Variants in AGFG2 observed in about 807,000 individuals in gnomAD.
AGFG2 encodes the protein ArfGAP with FG repeats 2.
A neutral mutation model predicts 48.0 loss-of-function variants in AGFG2; 31 were observed. The ratio of observed to expected loss-of-function variants is 0.65; its 90% CI spans 0.49 to 0.87. The LOEUF (loss-of-function observed/expected upper bound fraction) is 0.87, where lower values mean the gene tolerates loss of function less well. AGFG2 is among the 40% of genes least tolerant of loss of function. AGFG2 has a pLI of 0.00. For synonymous variants in AGFG2, 229 were observed against 260.8 expected, an observed-to-expected ratio of 0.88 and a Z score of 1.18; for missense variants, 599 against 632.6, an observed-to-expected ratio of 0.95 and a Z score of 0.57.
In AGFG2 at chr7:100,562,709, G is replaced by A. The variant is rs905120427; in HGVS notation, c.1087+27G>A. The stretch of plus-strand genomic sequence containing the variant: ...TGAGTCCTGCCTGTGGAGACCCAGG[G>A]GAGGGGACCTGAGGCCAGGAGGAGT... On this transcript the variant is annotated intron_variant, in intron 8 of 11. Transcript: ENST00000300176. The surrounding 1 kb of genome is among the most constrained non-coding windows in gnomAD (Gnocchi z 5.4). 8 of 1,599,730 alleles carry A rather than the reference G, an allele frequency of 5.0e-6. No individual in the cohort carries two copies. The highest frequency in any genetic ancestry group is 6.8e-6 in the Non-Finnish European group (8 of 1,175,176).
rs1359785937 is a variant in AGFG2, at chr7:100,548,839, C to G, written c.239C>G (p.Pro80Arg). The G allele has an allele frequency of 1.2e-6, 2 of 1,613,412 alleles. No homozygotes were observed. Among genetic ancestry groups the G allele is most frequent in the Non-Finnish European group, 8.5e-7 (1 of 1,179,630 alleles). Residue 80 changes from proline to arginine, a missense_variant, in exon 2 of 12, where the codon CCT (proline) becomes CGT (arginine). Pro to Arg is a moderately radical substitution (Grantham distance 103, BLOSUM62 -2). Coordinates refer to ENST00000300176, the MANE Select transcript of AGFG2 (RefSeq NM_006076.5). ...CSGLLRGLNPPHRVKSISMTT... is the reference protein window; with the variant it reads ...CSGLLRGLNPRHRVKSISMTT... Reference sequence around the variant, plus strand: ...TCCCATAGGAGAGGGCTGAACCCCCCTCATCGTGTCAAGTCAATCTCCATG... The same window carrying G: ...TCCCATAGGAGAGGGCTGAACCCCCGTCATCGTGTCAAGTCAATCTCCATG...
At chr7:100,559,372 AGAG>A (rs1263145543) in intron 6 of AGFG2, among the ~76,000 whole-genome samples, 7 of 152,074 alleles carry the variant, frequency 4.6e-5, no homozygotes, top group Non-Finnish European at 7.4e-5. Flanking sequence ...GTGAACTGAG[AGAG>A]GAGATTTTGA....
intron 9 of AGFG2, 148 bp from the exon 10 acceptor site, chr7:100,563,686 A>C (rs1800931100): frequency 8.3e-7 from 1 of 1,197,934 alleles, no homozygotes; most frequent in Admixed American, 2.4e-5. Flanking sequence ...TGGTGTGAGA[A>C]GCAGAAGAGT....
At position 100,551,067 on chromosome 7, in the gene AGFG2, TTTC is replaced by T. The variant is rs1390699494; in HGVS notation, c.431+559_431+561del. The stretch of plus-strand genomic sequence containing the variant: ...ATATATATATATATATATATATATA[TTTC>T]TTTTTTTTTTTTTTTTTGAGACAGA... On this transcript the variant is annotated intron_variant, in intron 3 of 11. Transcript: ENST00000300176. Among the ~76,000 whole-genome samples the T allele has an allele frequency of 3.6e-3, 347 of 96,770 alleles. 9 individuals are homozygous for T. The highest frequency in any genetic ancestry group is 0.011 in the Middle Eastern group (2 of 186). 63.5% of individuals were successfully genotyped at this position (96,770 alleles called of 152,430 possible).
chr7:100,559,317 C>T (rs1800818640), intron 6 of AGFG2, among the ~76,000 whole-genome samples: 1 of 152,148 alleles, frequency 6.6e-6, no homozygotes, highest in African/African-American at 2.4e-5. Context: ...CCCACTACAC[C>T]ATGATCATGC....
Position 100,566,768 on chromosome 7 carries a change from G to C in AGFG2, c.*1777G>C, listed in dbSNP as rs564407541. 6.6e-6 allele frequency: 1 copy of C among 152,318 alleles called. No individual in the cohort carries two copies. The highest frequency in any genetic ancestry group is 1.5e-5 in the Non-Finnish European group (1 of 68,200). The allele number at this position is 152,318 out of a possible 1,614,324, so 9.4% of individuals were successfully genotyped here. On this transcript the variant is annotated 3_prime_UTR_variant, in exon 12 of 12. Coordinates refer to ENST00000300176, the MANE Select transcript of AGFG2 (RefSeq NM_006076.5). Reference sequence around the variant, plus strand: ...GTCTCCCGCTTCGCTCCTGGCCTTTGCATGTTCCATCTCTTCTCTTTCTCC... The same window carrying C: ...GTCTCCCGCTTCGCTCCTGGCCTTTCCATGTTCCATCTCTTCTCTTTCTCC...
rs1204585934 is a variant in AGFG2, at chr7:100,568,102, G to C, written c.*3111G>C. 1.3e-5 allele frequency: 2 copies of C among 152,740 alleles called. No individual in the cohort carries two copies. The highest frequency in any genetic ancestry group is 2.9e-5 in the Non-Finnish European group (2 of 68,082). The allele number at this position is 152,740 out of a possible 1,614,324, so 9.5% of individuals were successfully genotyped here. ...CCAGCACCCAAGGTTCAGTGACACA[G>C]GGTGGTTTGGAGCTGGTCACTGTCA... On this transcript the variant is annotated 3_prime_UTR_variant, in exon 12 of 12. Transcript: ENST00000300176.
chr7:100,564,127 C>T (rs1429347300), intron 10 of AGFG2, 91 bp from the exon 11 acceptor site: 5 of 1,535,808 alleles, frequency 3.3e-6, no homozygotes, highest in Non-Finnish European at 4.4e-6. Context: ...TGCTCTGTTC[C>T]CTTACTCCCC....
intron 3 of AGFG2, among the ~76,000 whole-genome samples, chr7:100,551,161 C>G (rs984005703): frequency 6.8e-6 from 1 of 147,700 alleles, no homozygotes; most frequent in South Asian, 2.2e-4. Flanking sequence ...GTTCCACCTC[C>G]CAGGTTCACG....
chr7:100,556,246 T>C, intron 6 of AGFG2: 1 of 190,706 alleles, frequency 5.2e-6, no homozygotes, highest in Non-Finnish European at 1.1e-5. Context: ...GCCCAGGAGT[T>C]TGAGGCTGTA....
chr7:100,554,660 A>C (rs1435620978), intron 5 of AGFG2, among the ~76,000 whole-genome samples: 1 of 152,058 alleles, frequency 6.6e-6, no homozygotes, highest in African/African-American at 2.4e-5. Flanking sequence ...TTCAAGCCAG[A>C]CACAGTGGCT....
At chr7:100,542,304 G>A (rs897500006) in intron 1 of AGFG2, among the ~76,000 whole-genome samples, 3 of 152,118 alleles carry the variant, frequency 2.0e-5, no homozygotes, top group East Asian at 1.9e-4. Context: ...CGTGAGCCAC[G>A]GCACCCAGCC....
chr7:100,545,381 T>C (rs915927505), intron 1 of AGFG2, among the ~76,000 whole-genome samples: 1 of 152,060 alleles, frequency 6.6e-6, no homozygotes, highest in African/African-American at 2.4e-5. Flanking sequence ...CTATGCCTAA[T>C]GGAATCAGAG....
At chr7:100,548,948 C>T in intron 2 of AGFG2, 33 bp downstream of exon 2, 1 of 1,554,148 alleles carries the variant, frequency 6.4e-7, no homozygotes, top group Non-Finnish European at 8.9e-7. Flanking sequence ...GTGAGAAGGT[C>T]ACCTATCTGC....
At position 100,562,140 on chromosome 7, in the gene AGFG2, G is replaced by A. The variant is rs1800886547; in HGVS notation, c.878-119G>A. On this transcript the variant is annotated intron_variant, in intron 6 of 11. Transcript: ENST00000300176. The surrounding 1 kb of genome is among the most constrained non-coding windows in gnomAD (Gnocchi z 5.4). ...AAAATGGGCTGCCTCAGAGAACCCA[G>A]CAGGCACCTGTCATGCCATGACTCC... is the stretch of plus-strand genomic sequence containing the variant. 14 of 1,377,974 alleles carry A rather than the reference G, an allele frequency of 1.0e-5. 1 individual carries two copies. In the South Asian group the frequency reaches 1.7e-4, roughly 17 times the overall value. The allele number at this position is 1,377,974 out of a possible 1,614,324, so 85.4% of individuals were successfully genotyped here.
chr7:100,564,104 C>A (rs907057010), intron 10 of AGFG2, 114 bp from the exon 11 acceptor site: 8 of 1,525,860 alleles, frequency 5.2e-6, no homozygotes, highest in Non-Finnish European at 7.1e-6. Context: ...CAGACCCGCC[C>A]GGGTACTTCC....
At chr7:100,546,765 G>A (rs1359623199) in intron 1 of AGFG2, among the ~76,000 whole-genome samples, 1 of 152,156 alleles carries the variant, frequency 6.6e-6, no homozygotes, top group African/African-American at 2.4e-5. Context: ...TCTAAAAGCA[G>A]GCTGGCTAGA....
chr7:100,556,623 T>C, intron 6 of AGFG2: 1 of 1,289,380 alleles, frequency 7.8e-7, no homozygotes. Context: ...AAGTTACAGC[T>C]TTGGTAAGTT....
chr7:100,539,845 G>A (rs1157384247), intron 1 of AGFG2, among the ~76,000 whole-genome samples: 2 of 152,064 alleles, frequency 1.3e-5, no homozygotes, highest in Non-Finnish European at 1.5e-5. Flanking sequence ...TCCCCGAGGG[G>A]GTCGAGGCAA....
Sources: allele counts gnomAD v4.1 joint callset (sites outside exome capture counted in the v4.1 genomes callset), GRCh38; gene constraint gnomAD v4.1.1; non-coding constraint Gnocchi (gnomAD v3.1); transcripts MANE v1.5; gene names NCBI Gene and HGNC (gene_info 2026-07-23, HGNC 2026-07-21).